USH2A: variants seen among roughly 807,000 people sequenced by gnomAD.
USH2A encodes the protein usherin, also known as Usher syndrome 2A (autosomal recessive, mild).
In USH2A, 443 loss-of-function variants were observed where a neutral mutation model predicts 538.9. That is an observed-to-expected ratio of 0.82 (90% confidence interval 0.76 to 0.89). USH2A has a LOEUF of 0.89. Ranked by LOEUF, USH2A falls within the 40% of genes least tolerant of loss-of-function variation. The pLI, the probability that USH2A is intolerant of heterozygous loss-of-function variation, is 0.00. For missense variants in USH2A, 6,633 were observed against 6,324.8 expected (o/e 1.05, Z -1.65); for synonymous variants, 2,413 against 2,273.5 (o/e 1.06, Z -1.75).
At chr1:216,017,217 G>C (rs942720738) in intron 32 of USH2A, among the ~76,000 whole-genome samples, 1 of 150,356 alleles carries the variant, frequency 6.7e-6, no homozygotes, top group Non-Finnish European at 1.5e-5. Flanking sequence ...ATCTTGCTAT[G>C]GTTCTCTGTC....
chr1:215,691,402 T>C (rs931963335), intron 61 of USH2A, among the ~76,000 whole-genome samples: 1 of 152,122 alleles, frequency 6.6e-6, no homozygotes, highest in African/African-American at 2.4e-5. Flanking sequence ...ACACTAGTCT[T>C]GTTGAAAATT....
chr1:215,881,464 A>G (rs1664907570), intron 41 of USH2A, among the ~76,000 whole-genome samples: 1 of 152,204 alleles, frequency 6.6e-6, no homozygotes, highest in African/African-American at 2.4e-5. Flanking sequence ...TTAAGGAGCC[A>G]GTTAACTAAA....
intron 70 of USH2A, among the ~76,000 whole-genome samples, chr1:215,633,193 C>G (rs1242424287): frequency 2.0e-5 from 3 of 152,270 alleles, no homozygotes; most frequent in Middle Eastern, 6.8e-3. Context: ...GGAGCAGCAG[C>G]AGTAATGGCC....
At chr1:216,070,808 G>A (rs1273279640) in intron 29 of USH2A, among the ~76,000 whole-genome samples, 1 of 117,560 alleles carries the variant, frequency 8.5e-6, no homozygotes, top group African/African-American at 3.3e-5. Context: ...AAAAAGCAAA[G>A]TTCTACCAGA....
chr1:215,676,371 T>C (rs911743476), intron 62 of USH2A, among the ~76,000 whole-genome samples: 8 of 152,122 alleles, frequency 5.3e-5, no homozygotes, highest in African/African-American at 1.9e-4. Flanking sequence ...TTTTGAAAGA[T>C]GGGAAGTAAG....
Position 215,817,100 on chromosome 1 carries a change from G to A in USH2A, c.9467C>T (p.Thr3156Ile), listed in dbSNP as rs1181347852. The A allele has an allele frequency of 6.2e-7, 1 of 1,612,776 alleles. No individual in the cohort carries two copies. Among genetic ancestry groups the A allele is most frequent in the Admixed American group, 1.7e-5 (1 of 59,900 alleles). Reference protein sequence around the residue: ...LWKTWYPCAKTQKLVQDQSDE... With the variant: ...LWKTWYPCAKIQKLVQDQSDE... ...ACTCTGATCCTGCACTAACTTTTGA[G>A]TTTTAGCGCATGGATACCATGTTTT... The change falls in exon 48 of 72, where the codon ACT (threonine) becomes ATT (isoleucine). Residue 3156 changes from threonine to isoleucine, a missense_variant. Transcript: ENST00000307340.
At chr1:216,068,143 T>C (rs928864564) in intron 30 of USH2A, among the ~76,000 whole-genome samples, 1 of 152,148 alleles carries the variant, frequency 6.6e-6, no homozygotes, top group Non-Finnish European at 1.5e-5. Context: ...GTGTCAAGTG[T>C]TTTTTGCCTA....
At chr1:215,862,901 A>G (rs1354589229) in intron 44 of USH2A, among the ~76,000 whole-genome samples, 2 of 152,192 alleles carry the variant, frequency 1.3e-5, no homozygotes, top group Non-Finnish European at 1.5e-5. Context: ...AGTCTATTTT[A>G]AAACTATTTA....
intron 11 of USH2A, among the ~76,000 whole-genome samples, chr1:216,281,865 G>GTTTTTTTTTTTTTTTT (rs766030449): frequency 1.0e-5 from 1 of 96,472 alleles, no homozygotes; most frequent in Non-Finnish European, 1.9e-5. Flanking sequence ...GTTTTTGTCT[G>GTTTTTTTTTTTTTTTT]TTTTTTTTTT....
chr1:215,813,117 C>A (rs1662743858), intron 49 of USH2A, among the ~76,000 whole-genome samples: 1 of 152,172 alleles, frequency 6.6e-6, no homozygotes, highest in Admixed American at 6.5e-5. Context: ...TTATTATTAG[C>A]ATCATTCCCA....
At chr1:215,991,055 C>T (rs1571870981) in intron 35 of USH2A, among the ~76,000 whole-genome samples, 1 of 152,218 alleles carries the variant, frequency 6.6e-6, no homozygotes, top group East Asian at 1.9e-4. Flanking sequence ...GCCACCAGGC[C>T]CAGCCTGTTA....
intron 61 of USH2A, among the ~76,000 whole-genome samples, chr1:215,696,750 C>A (rs1404178406): frequency 6.6e-6 from 1 of 152,124 alleles, no homozygotes; most frequent in African/African-American, 2.4e-5. Context: ...ACGCCTCTAA[C>A]CAGCATTTTG....
At chr1:215,746,410 T>C (rs959678603) in intron 58 of USH2A, among the ~76,000 whole-genome samples, 1 of 151,398 alleles carries the variant, frequency 6.6e-6, no homozygotes, top group Admixed American at 6.7e-5. Flanking sequence ...AGTGTGTTAC[T>C]ATCATATAGA....
chr1:216,304,979 T>C (rs778694908), intron 9 of USH2A, among the ~76,000 whole-genome samples: 13 of 152,112 alleles, frequency 8.5e-5, no homozygotes, highest in Non-Finnish European at 1.5e-4. Flanking sequence ...TGATGAATAA[T>C]GTATATTCTG....
intron 61 of USH2A, among the ~76,000 whole-genome samples, chr1:215,705,560 A>G (rs551524525): frequency 4.1e-4 from 62 of 152,354 alleles, no homozygotes; most frequent in African/African-American, 1.5e-3. Flanking sequence ...TGTAAAAATC[A>G]ATGAGATTTC....
intron 43 of USH2A, among the ~76,000 whole-genome samples, chr1:215,870,480 A>G (rs1277137042): frequency 7.6e-6 from 1 of 132,070 alleles, no homozygotes; most frequent in Non-Finnish European, 1.6e-5. Flanking sequence ...TTTTTTTAGT[A>G]GAGACGGGGT....
Position 215,648,609 on chromosome 1 carries a change from G to T in USH2A, c.14501C>A (p.Ser4834Tyr), listed in dbSNP as rs1052736072. The change falls in exon 66 of 72, where the codon TCT becomes TAT. Residue 4834 changes from serine to tyrosine, a missense_variant. Physicochemically the swap from Ser to Tyr is moderately radical, Grantham distance 144. Coordinates refer to ENST00000307340, the MANE Select transcript of USH2A (RefSeq NM_206933.4). ...TGAGGCCAGCGTCCCGATTTGTGGA[G>T]AGGACAGTCCTGAGGGTGGGGCAGG... The part of the protein sequence containing the change: ...THPAPPSGLS[S>Y]PQIGTLASRT... 8.7e-6 allele frequency: 14 copies of T among 1,614,104 alleles called. No individual in the cohort carries two copies. Among genetic ancestry groups the T allele is most frequent in the Non-Finnish European group, 1.2e-5 (14 of 1,180,038 alleles).
intron 14 of USH2A, among the ~76,000 whole-genome samples, chr1:216,219,227 T>G (rs1199767871): frequency 6.6e-6 from 1 of 152,122 alleles, no homozygotes; most frequent in Non-Finnish European, 1.5e-5. Context: ...GTGTCTATTC[T>G]TGATTTTATA....
intron 21 of USH2A, among the ~76,000 whole-genome samples, chr1:216,159,303 T>C (rs1438962017): frequency 6.6e-6 from 1 of 152,150 alleles, no homozygotes; most frequent in East Asian, 1.9e-4. Flanking sequence ...GATATTTTAC[T>C]ATTAGAGGTC....
Sources: allele counts gnomAD v4.1 joint callset (sites outside exome capture counted in the v4.1 genomes callset), GRCh38; gene constraint gnomAD v4.1.1; transcripts MANE v1.5; gene names NCBI Gene and HGNC (gene_info 2026-07-23, HGNC 2026-07-21).